Variants in MED25 observed in about 807,000 individuals in gnomAD.
MED25 encodes mediator complex subunit 25.
MED25 carries 62 observed loss-of-function variants against 89.4 expected under a neutral mutation model. The observed-to-expected ratio is 0.69, with a 90% CI of 0.57 to 0.86. MED25 has a LOEUF of 0.86. Ranked by LOEUF, MED25 falls within the 40% of genes least tolerant of loss-of-function variation. MED25 has a pLI of 0.00. For synonymous variants in MED25, 449 were observed against 427.9 expected, an observed-to-expected ratio of 1.05 and a Z score of -0.61; for missense variants, 905 against 1,005.2, an observed-to-expected ratio of 0.90 and a Z score of 1.35.
At position 49,830,382 on chromosome 19, in the gene MED25, T is replaced by G. The variant is rs1474547549; in HGVS notation, c.820-129T>G. ...CCATGGAAGCTCATGTGCTGTGTGA[T>G]GGGTGTTGTGAGCTAAGCTATCCCA... On this transcript the variant is annotated intron_variant, in intron 7 of 17. Coordinates refer to ENST00000312865, the MANE Select transcript of MED25 (RefSeq NM_030973.4). The surrounding 1 kb of genome is among the most constrained non-coding windows in gnomAD (Gnocchi z 4.6). The G allele has an allele frequency of 8.7e-7, 1 of 1,151,450 alleles. No homozygotes were observed. Among genetic ancestry groups the G allele is most frequent in the Admixed American group, 1.9e-5 (1 of 52,182 alleles). The allele number at this position is 1,151,450 out of a possible 1,614,324, so 71.3% of individuals were successfully genotyped here.
Position 49,830,479 on chromosome 19 carries a change from C to T in MED25, c.820-32C>T, listed in dbSNP as rs2123879635. The T allele has an allele frequency of 6.2e-7, 1 of 1,607,398 alleles. No homozygotes were observed. The highest frequency in any genetic ancestry group is 2.2e-5 in the East Asian group (1 of 44,826). ...AGGACTGGGGGGCCATGGTCCTCAC[C>T]AGTCCCTTCCCTTCTTCCCTTCTAC... On this transcript the variant is annotated intron_variant, in intron 7 of 17. Coordinates refer to ENST00000312865, the MANE Select transcript of MED25 (RefSeq NM_030973.4). This position sits in a 1 kb window ranked among gnomAD's most constrained non-coding sequence, Gnocchi z 4.6.
rs111413797 is a variant in MED25, at chr19:49,823,278, C to T, written c.305+3982C>T. ...TGCCAAGTCCACTTCTGCCATACTG[C>T]ATTTGGTGTGCAGTATAAGCCTATC... is the stretch of plus-strand genomic sequence containing the variant. On this transcript the variant is annotated intron_variant, in intron 3 of 17. Transcript: ENST00000312865. Among the ~76,000 whole-genome samples the T allele has an allele frequency of 6.4e-3, 980 of 152,222 alleles. 10 individuals are homozygous for T. The highest frequency in any genetic ancestry group is 0.023 in the African/African-American group (936 of 41,524).
rs779688270 is a variant in MED25 at position 49,836,725 on chromosome 19, A to C, written c.2147-122A>C. 8 of 782,286 alleles carry C rather than the reference A, an allele frequency of 1.0e-5. No homozygotes were observed. Among genetic ancestry groups the C allele is most frequent in the Middle Eastern group, 2.2e-4 (1 of 4,512 alleles). The allele number at this position is 782,286 out of a possible 1,614,324, so 48.5% of individuals were successfully genotyped here. ...TGGGAAACAGCATATTTGTAACTAGATGGGGCCAGAAGGTGCTTCTGTTGG... is the reference window on the plus strand; with the variant it reads ...TGGGAAACAGCATATTTGTAACTAGCTGGGGCCAGAAGGTGCTTCTGTTGG... On this transcript the variant is annotated intron_variant, in intron 17 of 17. Coordinates refer to ENST00000312865, the MANE Select transcript of MED25 (RefSeq NM_030973.4). The surrounding 1 kb of genome is among the most constrained non-coding windows in gnomAD (Gnocchi z 5.1).
chr19:49,839,322 TC>T (rs1389048912), downstream of MED25: 1 of 163,166 alleles, frequency 6.1e-6, no homozygotes, highest in African/African-American at 2.4e-5. Context: ...GACACCTTGA[TC>T]CAAGGCGACA....
Position 49,829,657 on chromosome 19 carries a change from A to G in MED25, c.526-129A>G. 3 of 1,019,546 alleles carry G rather than the reference A, an allele frequency of 2.9e-6. No homozygotes were observed. Among genetic ancestry groups the G allele is most frequent in the South Asian group, 1.6e-5 (1 of 63,120 alleles). The allele number at this position is 1,019,546 out of a possible 1,614,324, so 63.2% of individuals were successfully genotyped here. ...CCTGGTTTCAGGGTCTCCTGCCTCA[A>G]AGCCCAATGGGAATTGTGGTTGTAG... is the stretch of plus-strand genomic sequence containing the variant. On this transcript the variant is annotated intron_variant, in intron 5 of 17. Coordinates refer to ENST00000312865, the MANE Select transcript of MED25 (RefSeq NM_030973.4). The surrounding 1 kb of genome is among the most constrained non-coding windows in gnomAD (Gnocchi z 4.6).
At position 49,829,717 on chromosome 19, in the gene MED25, A is replaced by T; in HGVS notation, c.526-69A>T. The T allele has an allele frequency of 6.7e-7, 1 of 1,488,502 alleles. No homozygotes were observed. The highest frequency in any genetic ancestry group is 1.2e-5 in the South Asian group (1 of 82,500). The allele number at this position is 1,488,502 out of a possible 1,614,324, so 92.2% of individuals were successfully genotyped here. A position where few individuals can be genotyped will look rare whatever the true frequency, so the allele number is the denominator to read the frequency against. On this transcript the variant is annotated intron_variant, in intron 5 of 17. Transcript: ENST00000312865. This position sits in a 1 kb window ranked among gnomAD's most constrained non-coding sequence, Gnocchi z 4.6. Reference sequence around the variant, plus strand: ...CGTCCAGCCACACAGCAGTTGTGGTAGGTTGGGGGCCGGCCCCAACACCCT... The same window carrying T: ...CGTCCAGCCACACAGCAGTTGTGGTTGGTTGGGGGCCGGCCCCAACACCCT...
intron 3 of MED25, chr19:49,819,687 C>T: frequency 5.7e-6 from 2 of 350,176 alleles, no homozygotes; most frequent in Non-Finnish European, 1.1e-5. Flanking sequence ...CCACCTTGTA[C>T]TCCCTGTGTG....
chr19:49,829,097 A>T lies in MED25; in HGVS notation c.525+7A>T. 6.2e-7 allele frequency: 1 copy of T among 1,612,530 alleles called. No homozygotes were observed. The highest frequency in any genetic ancestry group is 8.5e-7 in the Non-Finnish European group (1 of 1,179,320). On this transcript the variant is annotated splice_region_variant and intron_variant, in intron 5 of 17. Transcript: ENST00000312865. The surrounding 1 kb of genome is among the most constrained non-coding windows in gnomAD (Gnocchi z 4.6). ...TGTGCAGCAGATTGGGGAGGTGAGG[A>T]CTCCAGGGTCTGAGGGACGAGGGTC...
intron 3 of MED25, among the ~76,000 whole-genome samples, chr19:49,826,916 C>T (rs1427489424): frequency 6.6e-6 from 1 of 151,764 alleles, no homozygotes; most frequent in Non-Finnish European, 1.5e-5. Context: ...GATGCTGGGC[C>T]GATGCCGGGC....
At chr19:49,832,650 A>T (rs2074067152) in intron 13 of MED25, among the ~76,000 whole-genome samples, 1 of 152,140 alleles carries the variant, frequency 6.6e-6, no homozygotes, top group African/African-American at 2.4e-5. Flanking sequence ...ATGTGACAGG[A>T]TCAGTTAGGA....
At position 49,819,278 on chromosome 19, in the gene MED25, C is replaced by T; in HGVS notation, c.287C>T (p.Thr96Ile). 1 of 1,613,806 alleles carries T rather than the reference C, an allele frequency of 6.2e-7. No homozygotes were observed. The highest frequency in any genetic ancestry group is 8.5e-7 in the Non-Finnish European group (1 of 1,179,960). Residue 96 changes from threonine (T) to isoleucine (I), a missense_variant, in exon 3 of 18, where the codon ACC (threonine) becomes ATC (isoleucine). Coordinates refer to ENST00000312865, the MANE Select transcript of MED25 (RefSeq NM_030973.4). ...ACCAGCAGCGCCTATGAGTTTGTCACCTGGCTCGATGGCATTAAGTGAGCT... is the reference window on the plus strand; with the variant it reads ...ACCAGCAGCGCCTATGAGTTTGTCATCTGGCTCGATGGCATTAAGTGAGCT... ...APTSSAYEFV[T>I]WLDGIKFMGG... is the part of the protein sequence containing the mutation.
chr19:49,834,535 G>A lies in MED25; in HGVS notation c.1483-451G>A. The A allele has an allele frequency of 3.9e-6, 1 of 255,968 alleles. No individual in the cohort carries two copies. The highest frequency in any genetic ancestry group is 7.8e-6 in the Non-Finnish European group (1 of 128,404). The allele number at this position is 255,968 out of a possible 1,614,324, so 15.9% of individuals were successfully genotyped here. On this transcript the variant is annotated intron_variant, in intron 13 of 17. Coordinates refer to ENST00000312865, the MANE Select transcript of MED25 (RefSeq NM_030973.4). This position sits in a 1 kb window ranked among gnomAD's most constrained non-coding sequence, Gnocchi z 4.1. ...GTGATGTGGGAGCACTCCCCGTGGT[G>A]TACACTGGCCGGTGCTGAGGGCTGG...
intron 13 of MED25, chr19:49,832,937 G>C: frequency 4.8e-6 from 1 of 207,832 alleles, no homozygotes; most frequent in Non-Finnish European, 1.0e-5. Flanking sequence ...CCCTCTGTGT[G>C]TGTCTCCACA....
At chr19:49,833,490 T>G (rs1343796509) in intron 13 of MED25, 1 of 152,216 alleles carries the variant, frequency 6.6e-6, no homozygotes, top group Admixed American at 6.5e-5. Flanking sequence ...CACCAGGCAC[T>G]CCTGCAGGAA....
Position 49,831,262 on chromosome 19 carries a change from CCTCACAGGATGGCCCCCGGAGG to C in MED25, c.1102-67_1102-46del. Reference sequence around the variant, plus strand: ...GGATCTTTCCTCCTTCCTGGTTTGCCCTCACAGGATGGCCCCCGGAGGCTCCCGGCCTTCCCCATTCTCATGG... The same window carrying C: ...GGATCTTTCCTCCTTCCTGGTTTGCCCTCCCGGCCTTCCCCATTCTCATGG... On this transcript the variant is annotated intron_variant, in intron 9 of 17. Coordinates refer to ENST00000312865, the MANE Select transcript of MED25 (RefSeq NM_030973.4). The surrounding 1 kb of genome is among the most constrained non-coding windows in gnomAD (Gnocchi z 5.0). 1.3e-6 allele frequency: 2 copies of C among 1,527,008 alleles called. No individual in the cohort carries two copies. The highest frequency in any genetic ancestry group is 4.6e-5 in the East Asian group (2 of 43,040). The allele number at this position is 1,527,008 out of a possible 1,614,324, so 94.6% of individuals were successfully genotyped here. A position where few individuals can be genotyped will look rare whatever the true frequency, so the allele number is the denominator to read the frequency against.
Position 49,819,796 on chromosome 19 carries a change from G to A in MED25, c.305+500G>A, listed in dbSNP as rs900481961. 7.9e-5 allele frequency: 17 copies of A among 216,130 alleles called. No homozygotes were observed. The Middle Eastern group carries it at 5.8e-3, about 73-fold the overall frequency. 13.4% of individuals were successfully genotyped at this position (216,130 alleles called of 1,614,324 possible). ...AGTGCAGGGGGATGGGTCAGAGCCA[G>A]GATAGATCCCTCTGTGGCTTGGGTC... is the stretch of plus-strand genomic sequence containing the variant. On this transcript the variant is annotated intron_variant, in intron 3 of 17. Coordinates refer to ENST00000312865, the MANE Select transcript of MED25 (RefSeq NM_030973.4).
At chr19:49,838,679 T>C (rs1406128630), downstream of MED25, 2 of 456,830 alleles carry the variant, frequency 4.4e-6, no homozygotes, top group Non-Finnish European at 8.8e-6. Flanking sequence ...ATGTGTTTAA[T>C]ATGCAAACAA....
At chr19:49,827,566 G>A (rs554059308) in intron 3 of MED25, among the ~76,000 whole-genome samples, 2 of 152,194 alleles carry the variant, frequency 1.3e-5, no homozygotes, top group South Asian at 2.1e-4. Context: ...GTGTGTGTCC[G>A]TGTCCACGTT....
At chr19:49,827,282 A>T (rs1490170055) in intron 3 of MED25, among the ~76,000 whole-genome samples, 1 of 152,216 alleles carries the variant, frequency 6.6e-6, no homozygotes, top group Non-Finnish European at 1.5e-5. Flanking sequence ...CTGCGACGCG[A>T]CTGCAGATCA....
Sources: allele counts gnomAD v4.1 joint callset (sites outside exome capture counted in the v4.1 genomes callset), GRCh38; gene constraint gnomAD v4.1.1; non-coding constraint Gnocchi (gnomAD v3.1); transcripts MANE v1.5; gene names NCBI Gene and HGNC (gene_info 2026-07-23, HGNC 2026-07-21).